TAX1BP1: variants seen among roughly 807,000 people sequenced by gnomAD.
The protein encoded by TAX1BP1 is tax1-binding protein 1.
Under a neutral mutation model 97.7 loss-of-function variants are expected in TAX1BP1, and 62 were observed. That is an observed-to-expected ratio of 0.63 (90% confidence interval 0.52 to 0.78). TAX1BP1 has a LOEUF of 0.78. TAX1BP1 is among the 30% of genes least tolerant of loss of function. TAX1BP1 has a pLI of 0.00. For synonymous variants in TAX1BP1, 340 were observed against 304.2 expected, an observed-to-expected ratio of 1.12 and a Z score of -1.23; for missense variants, 867 against 916.1, an observed-to-expected ratio of 0.95 and a Z score of 0.69.
At chr7:27,784,919 C>T (rs1450096708) in intron 5 of TAX1BP1, among the ~76,000 whole-genome samples, 1 of 151,936 alleles carries the variant, frequency 6.6e-6, no homozygotes. Flanking sequence ...GATTGTGCCA[C>T]CATACTGCAG....
chr7:27,789,212 C>T (rs916849327), intron 8 of TAX1BP1, among the ~76,000 whole-genome samples: 1 of 151,954 alleles, frequency 6.6e-6, no homozygotes, highest in African/African-American at 2.4e-5. Flanking sequence ...TCAAAAGTTA[C>T]TTGAACTATT....
rs1202906364 is a variant in TAX1BP1, at chr7:27,828,681, A to C, written c.2222A>C (p.Tyr741Ser). The change falls in exon 17 of 17, where the codon TAT becomes TCT. Residue 741 changes from tyrosine (Y) to serine (S), a missense_variant. This residue lies in a region of TAX1BP1 where 11 missense variants were observed against 31.4 expected (regional missense o/e 0.35). Coordinates refer to ENST00000396319, the MANE Select transcript of TAX1BP1 (RefSeq NM_006024.7). The stretch of plus-strand genomic sequence containing the variant: ...TGTGAGTTAATGTTTCCTCCTAACT[A>C]TGATCAGAGCAAATTTGAAGAACAT... The part of the protein sequence containing the change: ...PLCELMFPPN[Y>S]DQSKFEEHVE... The C allele has an allele frequency of 6.2e-7, 1 of 1,613,978 alleles. No homozygotes were observed. The highest frequency in any genetic ancestry group is 2.2e-5 in the East Asian group (1 of 44,894).
chr7:27,763,754 C>G (rs1024838013), intron 3 of TAX1BP1, among the ~76,000 whole-genome samples: 1 of 148,244 alleles, frequency 6.7e-6, no homozygotes, highest in East Asian at 2.0e-4. Context: ...GGTGACAGAG[C>G]GAGACTCTGT....
chr7:27,756,767 G>GA (rs561384332), intron 2 of TAX1BP1, among the ~76,000 whole-genome samples: 60 of 152,016 alleles, frequency 3.9e-4, no homozygotes, highest in South Asian at 1.2e-3. Flanking sequence ...ACTGTGAAAG[G>GA]AAAAAAATGG....
intron 5 of TAX1BP1, among the ~76,000 whole-genome samples, chr7:27,773,999 A>G (rs1448212995): frequency 1.3e-5 from 2 of 152,124 alleles, no homozygotes; most frequent in Admixed American, 6.6e-5. Context: ...TTTTTGAACT[A>G]TATTTGAGAA....
At chr7:27,760,645 C>T (rs889439138) in intron 3 of TAX1BP1, among the ~76,000 whole-genome samples, 7 of 152,172 alleles carry the variant, frequency 4.6e-5, no homozygotes, top group Non-Finnish European at 8.8e-5. Context: ...CCGCCCGCCT[C>T]GGCTTCCCAA....
chr7:27,797,004 ATT>A (rs200518234), intron 12 of TAX1BP1, among the ~76,000 whole-genome samples: 1 of 147,908 alleles, frequency 6.8e-6, no homozygotes, highest in Non-Finnish European at 1.5e-5. Context: ...ATTTTATTTT[ATT>A]TTTTTTTTTG....
chr7:27,800,954 A>T (rs1790110881), intron 13 of TAX1BP1, among the ~76,000 whole-genome samples: 1 of 152,020 alleles, frequency 6.6e-6, no homozygotes, highest in Admixed American at 6.6e-5. Context: ...AATACAAAAA[A>T]TTAGCCAGGC....
intron 15 of TAX1BP1, among the ~76,000 whole-genome samples, chr7:27,827,488 T>C (rs1954792934): frequency 6.6e-6 from 1 of 152,218 alleles, no homozygotes; most frequent in Admixed American, 6.5e-5. Context: ...GTAAATGGTA[T>C]GTGTAAATGG....
chr7:27,782,079 A>T (rs1219963088), intron 5 of TAX1BP1, among the ~76,000 whole-genome samples: 1 of 152,170 alleles, frequency 6.6e-6, no homozygotes, highest in African/African-American at 2.4e-5. Context: ...GCTCACTGTA[A>T]CATTTTCACT....
intron 15 of TAX1BP1, among the ~76,000 whole-genome samples, chr7:27,820,172 C>T (rs1790920824): frequency 6.6e-6 from 1 of 152,202 alleles, no homozygotes; most frequent in African/African-American, 2.4e-5. Flanking sequence ...ATCTTACTTT[C>T]TAGTTGCATT....
intron 1 of TAX1BP1, among the ~76,000 whole-genome samples, chr7:27,741,452 T>A (rs907655198): frequency 1.3e-5 from 2 of 152,214 alleles, no homozygotes; most frequent in African/African-American, 4.8e-5. Flanking sequence ...AAACTGATTG[T>A]TCAACTTCAA....
chr7:27,742,522 A>G (rs1341545750), intron 1 of TAX1BP1, among the ~76,000 whole-genome samples: 1 of 152,230 alleles, frequency 6.6e-6, no homozygotes, highest in Non-Finnish European at 1.5e-5. Context: ...ATCTCAAGGC[A>G]GAATAATTTT....
intron 15 of TAX1BP1, among the ~76,000 whole-genome samples, chr7:27,821,032 A>G (rs182721489): frequency 1.0e-3 from 159 of 152,272 alleles, no homozygotes; most frequent in African/African-American, 3.7e-3. Context: ...AAAGTTTTGG[A>G]TTTTGGAGCA....
At chr7:27,779,254 A>G (rs748125787) in intron 5 of TAX1BP1, among the ~76,000 whole-genome samples, 6 of 152,182 alleles carry the variant, frequency 3.9e-5, no homozygotes, top group Non-Finnish European at 5.9e-5. Context: ...CCTCTCAAGT[A>G]ACTGGGACTA....
intron 1 of TAX1BP1, among the ~76,000 whole-genome samples, chr7:27,745,200 C>G (rs1348925889): frequency 1.3e-5 from 2 of 152,118 alleles, no homozygotes; most frequent in African/African-American, 2.4e-5. Flanking sequence ...GTGTACTTCT[C>G]TCCAACTGAG....
chr7:27,784,779 C>G (rs886156460), intron 5 of TAX1BP1, among the ~76,000 whole-genome samples: 1 of 151,606 alleles, frequency 6.6e-6, no homozygotes, highest in Non-Finnish European at 1.5e-5. Context: ...TTGTTTGAGC[C>G]CAGGAGTTTC....
Position 27,785,641 on chromosome 7 carries a change from G to C in TAX1BP1, c.852+152G>C, listed in dbSNP as rs533311201. On this transcript the variant is annotated intron_variant, in intron 7 of 16. Transcript: ENST00000396319. ...GTTGCAGTCAGGATGTTGGCAAGGG[G>C]TGCAGTCAGCTAAGGGCTTGATTGG... is the stretch of plus-strand genomic sequence containing the variant. 231 of 656,614 alleles carry C rather than the reference G, an allele frequency of 3.5e-4. No homozygotes were observed. In the African/African-American group the frequency reaches 3.6e-3, roughly 10 times the overall value. The allele number at this position is 656,614 out of a possible 1,614,324, so 40.7% of individuals were successfully genotyped here. A position where few individuals can be genotyped will look rare whatever the true frequency, so the allele number is the denominator to read the frequency against.
intron 8 of TAX1BP1, among the ~76,000 whole-genome samples, chr7:27,789,748 TCAGA>T (rs1298844612): frequency 3.9e-5 from 6 of 152,018 alleles, no homozygotes; most frequent in East Asian, 1.9e-4. Context: ...TTAAAAATAC[TCAGA>T]CATAGTTAAT....
Sources: gnomAD v4.1 joint callset for allele counts (sites outside exome capture counted in the v4.1 genomes callset) on GRCh38, gnomAD v4.1.1 for gene constraint, gnomAD v4.1.1 regional missense constraint, MANE v1.5 for transcripts, NCBI Gene and HGNC (gene_info 2026-07-23, HGNC 2026-07-21) for gene names.